Variants in TENT4A observed in about 807,000 individuals in gnomAD.
The protein encoded by TENT4A is terminal nucleotidyltransferase 4A, also known as DNA polymerase kappa.
A neutral mutation model predicts 72.8 loss-of-function variants in TENT4A; 7 were observed. That is an observed-to-expected ratio of 0.10 (90% CI 0.05 to 0.18). The LOEUF is 0.18. Among genes scored for constraint, TENT4A ranks in the 10% least tolerant of loss-of-function variants. The pLI is 1.00. For missense variants in TENT4A, 831 were observed against 1,017.7 expected (o/e 0.82, Z 2.50); for synonymous variants, 456 against 434.3 (o/e 1.05, Z -0.62).
intron 6 of TENT4A, chr5:6,745,893 C>A: frequency 2.0e-6 from 1 of 503,532 alleles, no homozygotes; most frequent in South Asian, 2.5e-5. Context: ...ATCCAGGTGA[C>A]TAAGTTATGC....
chr5:6,728,347 T>C (rs274702), intron 1 of TENT4A, among the ~76,000 whole-genome samples: 150,044 of 152,358 alleles, frequency 0.98, 73,925 homozygotes, highest in East Asian at 1. Context: ...GCCTCAGAAT[T>C]CCACTCAGCA....
chr5:6,714,297 C>G lies in TENT4A; in HGVS notation c.314C>G (p.Ser105Trp). Residue 105 changes from serine (S) to tryptophan (W), a missense_variant, in exon 1 of 13, where the codon TCG becomes TGG. By Grantham distance (177) the Ser-to-Trp change is radical. Coordinates refer to ENST00000230859, the MANE Select transcript of TENT4A (RefSeq NM_006999.6). ...AAEGARRLHK[S>W]PSLSSSSSSS... ...GAGGGCGCGCGGCGCTTGCACAAGT[C>G]GCCGTCGCTGTCGTCCTCGTCGTCG... 9.1e-7 allele frequency: 1 copy of G among 1,095,568 alleles called. No homozygotes were observed. The highest frequency in any genetic ancestry group is 1.1e-6 in the Non-Finnish European group (1 of 902,118). 67.9% of individuals were successfully genotyped at this position (1,095,568 alleles called of 1,614,324 possible).
intron 11 of TENT4A, among the ~76,000 whole-genome samples, 179 bp from the exon 12 acceptor site, chr5:6,752,694 C>A (rs976505300): frequency 1.3e-5 from 2 of 152,202 alleles, no homozygotes; most frequent in Non-Finnish European, 2.9e-5. Flanking sequence ...TTTTAGAATA[C>A]GAAGTATTTC....
chr5:6,732,809 C>T (rs1030309490), intron 1 of TENT4A, among the ~76,000 whole-genome samples: 3 of 152,000 alleles, frequency 2.0e-5, no homozygotes, highest in East Asian at 1.9e-4. Flanking sequence ...GAGTTTGCTC[C>T]GTGGCAATGG....
At position 6,738,576 on chromosome 5, in the gene TENT4A, A is replaced by G. The variant is rs998128319; in HGVS notation, c.841-107A>G. ...CTCCATCAGTTTCCAAGGTAGTTTT[A>G]TTTTTTACCCAAGGGTATAGTGAGG... On this transcript the variant is annotated intron_variant, in intron 2 of 12. Transcript: ENST00000230859. 4 of 830,488 alleles carry G rather than the reference A, an allele frequency of 4.8e-6. No individual in the cohort carries two copies. In the African/African-American group the frequency reaches 6.8e-5, roughly 14 times the overall value. The allele number at this position is 830,488 out of a possible 1,614,324, so 51.4% of individuals were successfully genotyped here. A position where few individuals can be genotyped will look rare whatever the true frequency, so the allele number is the denominator to read the frequency against.
At chr5:6,733,452 G>T (rs773736504) in intron 1 of TENT4A, among the ~76,000 whole-genome samples, 1 of 152,260 alleles carries the variant, frequency 6.6e-6, no homozygotes, top group Non-Finnish European at 1.5e-5. Context: ...ACTGTAGAGG[G>T]ATTTATTCTA....
chr5:6,722,694 A>G (rs1157822489), intron 1 of TENT4A, among the ~76,000 whole-genome samples: 1 of 139,974 alleles, frequency 7.1e-6, no homozygotes, highest in African/African-American at 2.6e-5. Context: ...AACTCATTTA[A>G]AGTTGGTTAA....
Position 6,743,835 on chromosome 5 carries a change from C to G in TENT4A, c.1240C>G (p.Leu414Val). 11 of 1,613,694 alleles carry G rather than the reference C, an allele frequency of 6.8e-6. No homozygotes were observed. The highest frequency in any genetic ancestry group is 9.3e-6 in the Non-Finnish European group (11 of 1,179,876). ...YSLILMAISFLQLHPRIDARR... is the reference protein window; with the variant it reads ...YSLILMAISFVQLHPRIDARR... ...CCTAATTTTAATGGCCATTAGCTTTCTACAGGTATGTATGCTTTCTTGAGA... is the reference window on the plus strand; with the variant it reads ...CCTAATTTTAATGGCCATTAGCTTTGTACAGGTATGTATGCTTTCTTGAGA... The change falls in exon 6 of 13, where the codon CTA becomes GTA. Residue 414 changes from leucine to valine, a missense_variant. Coordinates refer to ENST00000230859, the MANE Select transcript of TENT4A (RefSeq NM_006999.6).
Position 6,714,827 on chromosome 5 carries a change from C to T in TENT4A, c.716+128C>T, listed in dbSNP as rs1050605498. 2.9e-5 allele frequency: 12 copies of T among 406,812 alleles called. 1 individual carries two copies. The highest frequency in any genetic ancestry group is 4.3e-5 in the Non-Finnish European group (11 of 257,208). The allele number at this position is 406,812 out of a possible 1,614,324, so 25.2% of individuals were successfully genotyped here. A position where few individuals can be genotyped will look rare whatever the true frequency, so the allele number is the denominator to read the frequency against. Reference sequence around the variant, plus strand: ...GGATGTTGAAGGCTAAGGCCAAGGCCCGACTCTGCACTGAAAGTTTTTTTT... The same window carrying T: ...GGATGTTGAAGGCTAAGGCCAAGGCTCGACTCTGCACTGAAAGTTTTTTTT... On this transcript the variant is annotated intron_variant, in intron 1 of 12. Coordinates refer to ENST00000230859, the MANE Select transcript of TENT4A (RefSeq NM_006999.6).
At chr5:6,737,468 A>G (rs2126632416) in intron 1 of TENT4A, 42 bp from the exon 2 acceptor site, 2 of 1,548,790 alleles carry the variant, frequency 1.3e-6, no homozygotes, top group South Asian at 1.2e-5. Context: ...ATGTGGTGAC[A>G]TTTCATTGTA....
At chr5:6,743,871 T>C in intron 6 of TENT4A, 31 bp downstream of exon 6, 1 of 1,609,610 alleles carries the variant, frequency 6.2e-7, no homozygotes. Flanking sequence ...CTGTTTCTGT[T>C]GAGACATGTG....
rs1439984715 is a variant in TENT4A, at chr5:6,748,585, C to T, written c.1581C>T (p.Ala527=). Residue 527 remains alanine, a synonymous_variant, in exon 8 of 13, where the codon GCC becomes GCT. Coordinates refer to ENST00000230859, the MANE Select transcript of TENT4A (RefSeq NM_006999.6). ...PLARSYPNRD[A]ESTLGRIIKV... ...CCAGGTCCTATCCAAACAGAGACGC[C>T]GAAAGGTAATGGGTTGTGTGTCTGC... is the stretch of plus-strand genomic sequence containing the variant. The T allele has an allele frequency of 3.7e-6, 6 of 1,612,646 alleles. No individual in the cohort carries two copies. Among genetic ancestry groups the T allele is most frequent in the Admixed American group, 1.7e-5 (1 of 59,986 alleles).
chr5:6,730,092 TCCG>T (rs1741128547), intron 1 of TENT4A, among the ~76,000 whole-genome samples: 1 of 98,188 alleles, frequency 1.0e-5, no homozygotes, highest in Non-Finnish European at 2.5e-5. Context: ...ATGTTGTTTC[TCCG>T]CCCCCCCCCG....
intron 1 of TENT4A, among the ~76,000 whole-genome samples, chr5:6,722,483 TTTTTAAAACATTTTA>T (rs1256469842): frequency 6.6e-6 from 1 of 152,122 alleles, no homozygotes; most frequent in Non-Finnish European, 1.5e-5. Flanking sequence ...TACCTTTCTA[TTTTTAAAACATTTTA>T]ACAATGCCTT....
chr5:6,730,149 G>A (rs1054153021), intron 1 of TENT4A, among the ~76,000 whole-genome samples: 8 of 151,860 alleles, frequency 5.3e-5, no homozygotes, highest in African/African-American at 1.9e-4. Context: ...CATTTGCAGC[G>A]TGCTTGGGTT....
intron 1 of TENT4A, among the ~76,000 whole-genome samples, chr5:6,718,186 G>A (rs922699547): frequency 1.3e-5 from 2 of 152,228 alleles, no homozygotes; most frequent in African/African-American, 4.8e-5. Flanking sequence ...GAGAGAGACC[G>A]ACGACTGTCG....
chr5:6,731,304 G>A lies in TENT4A; in HGVS notation c.717-6206G>A, dbSNP rs889360523. 9.2e-5 allele frequency among the ~76,000 whole-genome samples: 14 copies of A among 152,180 alleles called. 1 individual carries two copies. Among genetic ancestry groups the A allele is most frequent in the Admixed American group, 9.2e-4 (14 of 15,286 alleles). On this transcript the variant is annotated intron_variant, in intron 1 of 12. Transcript: ENST00000230859. ...AGTATTTTCTGTCGCATTTTACGTT[G>A]TAATGGAAAAGACTGGGAACTGAAC...
intron 5 of TENT4A, 22 bp downstream of exon 5, chr5:6,742,619 C>T (rs768946716): frequency 3.4e-5 from 49 of 1,458,434 alleles, no homozygotes; most frequent in Admixed American, 5.0e-5. Context: ...GGTGACCCAG[C>T]GCGGCGAGAG....
intron 1 of TENT4A, among the ~76,000 whole-genome samples, chr5:6,729,484 CT>C (rs1696994744): frequency 1.3e-5 from 2 of 152,368 alleles, no homozygotes; most frequent in South Asian, 4.1e-4. Context: ...AAGTGATCAG[CT>C]GCTTGAGCTA....
Sources: gnomAD v4.1 joint callset for allele counts (sites outside exome capture counted in the v4.1 genomes callset) on GRCh38, gnomAD v4.1.1 for gene constraint, MANE v1.5 for transcripts, NCBI Gene and HGNC (gene_info 2026-07-23, HGNC 2026-07-21) for gene names.